Variants in ATP2B2 observed in about 807,000 individuals in gnomAD.
ATP2B2 encodes the protein plasma membrane calcium-transporting ATPase 2.
A neutral mutation model predicts 120.0 loss-of-function variants in ATP2B2; 15 were observed. The ratio of observed to expected loss-of-function variants is 0.12; its 90% confidence interval spans 0.08 to 0.19. ATP2B2 has a LOEUF of 0.19. Among genes scored for constraint, ATP2B2 ranks in the 10% least tolerant of loss-of-function variants. The probability of loss-of-function intolerance (pLI) is 1.00; values close to 1 mark genes in which losing one functional copy is unlikely to be tolerated. For synonymous variants in ATP2B2, 694 were observed against 700.3 expected, an observed-to-expected ratio of 0.99 and a Z score of 0.14; for missense variants, 1,045 against 1,719.8, an observed-to-expected ratio of 0.61 and a Z score of 6.94.
intron 3 of ATP2B2, among the ~76,000 whole-genome samples, chr3:10,526,221 G>T (rs1343277581): frequency 6.6e-6 from 1 of 152,190 alleles, no homozygotes; most frequent in African/African-American, 2.4e-5. Flanking sequence ...GTTCATCTCT[G>T]CCTGGGAGGG....
chr3:10,694,846 C>A (rs71316420), intron 1 of ATP2B2, among the ~76,000 whole-genome samples: 6,542 of 152,190 alleles, frequency 0.043, 178 homozygotes, highest in South Asian at 0.13. Context: ...CCCCTTCCCC[C>A]CTCCCTCTCT....
intron 1 of ATP2B2, among the ~76,000 whole-genome samples, chr3:10,498,036 C>A (rs1041305950): frequency 6.6e-6 from 1 of 152,186 alleles, no homozygotes; most frequent in East Asian, 1.9e-4. Flanking sequence ...CACTACTTTA[C>A]GTATATTTAA....
intron 1 of ATP2B2, among the ~76,000 whole-genome samples, chr3:10,700,710 C>G (rs185032736): frequency 6.6e-6 from 1 of 152,220 alleles, no homozygotes; most frequent in Non-Finnish European, 1.5e-5. Flanking sequence ...CTGAGTTATG[C>G]TCAGTAACAA....
intron 3 of ATP2B2, among the ~76,000 whole-genome samples, chr3:10,517,841 G>A (rs2066906701): frequency 1.3e-5 from 2 of 152,244 alleles, no homozygotes; most frequent in Admixed American, 6.5e-5. Context: ...GGGCACAGCA[G>A]GTAGGAAGAC....
chr3:10,524,119 C>T (rs1308927354), intron 3 of ATP2B2, among the ~76,000 whole-genome samples: 1 of 152,174 alleles, frequency 6.6e-6, no homozygotes, highest in Non-Finnish European at 1.5e-5. Context: ...ACTAGGTCAT[C>T]CCCTCTCCAG....
intron 2 of ATP2B2, among the ~76,000 whole-genome samples, chr3:10,414,893 C>T (rs1329699071): frequency 6.6e-6 from 1 of 152,154 alleles, no homozygotes; most frequent in Admixed American, 6.5e-5. Flanking sequence ...CATTTGTGTG[C>T]TCTGCTAGGA....
chr3:10,509,809 G>A (rs2066724199), upstream of ATP2B2, among the ~76,000 whole-genome samples: 5 of 152,314 alleles, frequency 3.3e-5, no homozygotes, highest in Admixed American at 3.3e-4. Flanking sequence ...GATCTCGAGT[G>A]GAGGCTTTGT....
chr3:10,515,523 T>A (rs1443640227), intron 3 of ATP2B2, among the ~76,000 whole-genome samples: 2 of 152,180 alleles, frequency 1.3e-5, no homozygotes, highest in African/African-American at 4.8e-5. Flanking sequence ...CCCCTGTGAC[T>A]TGGTGGGAGC....
At chr3:10,518,184 T>C (rs1428258798) in intron 3 of ATP2B2, among the ~76,000 whole-genome samples, 1 of 152,220 alleles carries the variant, frequency 6.6e-6, no homozygotes, top group Non-Finnish European at 1.5e-5. Flanking sequence ...TGAAATCACC[T>C]CCCTTTTAGA....
chr3:10,480,627 C>G (rs1021168327), intron 1 of ATP2B2, among the ~76,000 whole-genome samples: 6 of 152,218 alleles, frequency 3.9e-5, no homozygotes, highest in Non-Finnish European at 5.9e-5. Context: ...TTTGTCAGCA[C>G]CCGCAGCCCC....
At chr3:10,434,934 C>A (rs1030625407) in intron 2 of ATP2B2, among the ~76,000 whole-genome samples, 2 of 152,222 alleles carry the variant, frequency 1.3e-5, no homozygotes, top group Admixed American at 6.5e-5. Flanking sequence ...GGCCTGAGCC[C>A]CAGTGTGGTT....
intron 1 of ATP2B2, among the ~76,000 whole-genome samples, chr3:10,666,120 C>G (rs1196429061): frequency 1.3e-5 from 2 of 152,308 alleles, no homozygotes; most frequent in African/African-American, 4.8e-5. Context: ...CCTGGCTGCC[C>G]TACCTGAGTC....
At chr3:10,401,958 A>G (rs1179270635) in intron 4 of ATP2B2, 133 bp downstream of exon 4, 9 of 1,446,040 alleles carry the variant, frequency 6.2e-6, no homozygotes. Context: ...GGATCTCAGA[A>G]GACATCTTGG....
At chr3:10,498,422 G>A (rs764115553) in intron 1 of ATP2B2, among the ~76,000 whole-genome samples, 9 of 152,236 alleles carry the variant, frequency 5.9e-5, no homozygotes, top group African/African-American at 1.4e-4. Flanking sequence ...CCTCTGCTCC[G>A]GATGAGCCTG....
chr3:10,450,535 C>A (rs190401188), intron 1 of ATP2B2, among the ~76,000 whole-genome samples: 2 of 152,320 alleles, frequency 1.3e-5, no homozygotes, highest in Non-Finnish European at 2.9e-5. Context: ...CCCCCACCTG[C>A]ACCCACAGGC....
chr3:10,375,788 G>A lies in ATP2B2; in HGVS notation c.1202-144C>T. 1 of 735,844 alleles carries A rather than the reference G, an allele frequency of 1.4e-6. No homozygotes were observed. The highest frequency in any genetic ancestry group is 2.4e-6 in the Non-Finnish European group (1 of 420,376). 45.6% of individuals were successfully genotyped at this position (735,844 alleles called of 1,614,324 possible). A position where few individuals can be genotyped will look rare whatever the true frequency, so the allele number is the denominator to read the frequency against. On this transcript the variant is annotated intron_variant, in intron 10 of 22. Coordinates refer to ENST00000360273, the MANE Select transcript of ATP2B2 (RefSeq NM_001001331.4). The surrounding 1 kb of genome is among the most constrained non-coding windows in gnomAD (Gnocchi z 4.2). ...TCTGCCACTCCTTGCTTTATGACCTGTGGCAAGTTCTTGAGACCTTGATCC... is the reference window on the plus strand; with the variant it reads ...TCTGCCACTCCTTGCTTTATGACCTATGGCAAGTTCTTGAGACCTTGATCC...
intron 1 of ATP2B2, among the ~76,000 whole-genome samples, chr3:10,674,150 T>C (rs537000630): frequency 1.3e-5 from 2 of 152,330 alleles, no homozygotes; most frequent in Admixed American, 1.3e-4. Context: ...GTGGATTACA[T>C]GCCTGTGTGG....
At chr3:10,554,844 C>A (rs1178089190) in intron 2 of ATP2B2, among the ~76,000 whole-genome samples, 1 of 152,212 alleles carries the variant, frequency 6.6e-6, no homozygotes, top group Non-Finnish European at 1.5e-5. Context: ...GGTCCCAAAG[C>A]AAGTAACACA....
Position 10,560,648 on chromosome 3 carries a change from C to CT in ATP2B2, c.-414-26516dup, listed in dbSNP as rs1391886276. Among the ~76,000 whole-genome samples the CT allele has an allele frequency of 3.3e-5, 5 of 152,332 alleles. No individual in the cohort carries two copies. In the South Asian group the frequency reaches 8.3e-4, roughly 25 times the overall value. The stretch of plus-strand genomic sequence containing the variant: ...AGCACCTTGCACATCCTTCCCTCTG[C>CT]TACCACCTCCTTTGCCAGCTCGCCA... On this transcript the variant is annotated intron_variant, in intron 2 of 21. Transcript: ENST00000646379.
Sources: allele counts gnomAD v4.1 joint callset (sites outside exome capture counted in the v4.1 genomes callset), GRCh38; gene constraint gnomAD v4.1.1; non-coding constraint Gnocchi (gnomAD v3.1); transcripts MANE v1.5; gene names NCBI Gene and HGNC (gene_info 2026-07-23, HGNC 2026-07-21).